Variants in EXOC6 observed in about 807,000 individuals in gnomAD.
EXOC6 encodes the protein exocyst complex component 6, also known as SEC15-like 1.
A neutral mutation model predicts 112.5 loss-of-function variants in EXOC6; 60 were observed. The ratio of observed to expected loss-of-function variants is 0.53; its 90% confidence interval spans 0.43 to 0.66. The LOEUF (loss-of-function observed/expected upper bound fraction) is 0.66. Among genes scored for constraint, EXOC6 ranks in the 30% least tolerant of loss-of-function variants. EXOC6 has a pLI of 0.00. For synonymous variants in EXOC6, 295 were observed against 308.0 expected (o/e 0.96, Z 0.44); for missense variants, 855 against 957.1 (o/e 0.89, Z 1.41).
chr10:92,979,461 G>T (rs1446838914), intron 18 of EXOC6, among the ~76,000 whole-genome samples: 1 of 152,194 alleles, frequency 6.6e-6, no homozygotes, highest in Non-Finnish European at 1.5e-5. Flanking sequence ...CAGGACATGA[G>T]AACAGTACAG....
intron 6 of EXOC6, among the ~76,000 whole-genome samples, chr10:92,910,083 A>G (rs1850655505): frequency 6.6e-6 from 1 of 152,252 alleles, no homozygotes; most frequent in African/African-American, 2.4e-5. Context: ...GAAAAGCCTC[A>G]GCAGTTAGGA....
chr10:93,034,515 G>T (rs1288060407), intron 20 of EXOC6, among the ~76,000 whole-genome samples: 1 of 152,162 alleles, frequency 6.6e-6, no homozygotes, highest in East Asian at 1.9e-4. Flanking sequence ...ACATACACTT[G>T]TATTTGACTC....
chr10:93,019,704 CAGT>C (rs1844694279), intron 20 of EXOC6, among the ~76,000 whole-genome samples: 1 of 152,188 alleles, frequency 6.6e-6, no homozygotes, highest in Non-Finnish European at 1.5e-5. Flanking sequence ...CCTATCCACA[CAGT>C]TCCCTTATAA....
chr10:92,915,317 G>A (rs905028356), intron 6 of EXOC6, among the ~76,000 whole-genome samples: 6 of 152,142 alleles, frequency 3.9e-5, no homozygotes, highest in African/African-American at 4.8e-5. Context: ...TGGGGCAGGC[G>A]GATTGCTTGA....
intron 20 of EXOC6, among the ~76,000 whole-genome samples, chr10:93,056,648 ATATAT>A (rs1031804461): frequency 2.8e-4 from 1 of 3,614 alleles, no homozygotes; most frequent in African/African-American, 5.8e-4. Context: ...AAGGGTTAAT[ATATAT>A]TATATTAACA....
At chr10:92,911,772 C>G (rs1053967381) in intron 6 of EXOC6, among the ~76,000 whole-genome samples, 1 of 152,120 alleles carries the variant, frequency 6.6e-6, no homozygotes, top group Non-Finnish European at 1.5e-5. Flanking sequence ...TTGGAAATAA[C>G]TTCCACAGAG....
intron 1 of EXOC6, among the ~76,000 whole-genome samples, chr10:92,855,884 A>C (rs913906504): frequency 2.7e-5 from 4 of 150,908 alleles, no homozygotes; most frequent in Middle Eastern, 3.2e-3. Flanking sequence ...CTTTTTTTTG[A>C]GATGAAGTCT....
At chr10:92,964,087 T>A (rs201403346) in intron 17 of EXOC6, among the ~76,000 whole-genome samples, 1 of 151,956 alleles carries the variant, frequency 6.6e-6, no homozygotes, top group East Asian at 1.9e-4. Flanking sequence ...GCTAATTTAA[T>A]GAGATGCTTA....
At chr10:93,057,379 A>G (rs1846597681) in intron 21 of EXOC6, among the ~76,000 whole-genome samples, 1 of 152,174 alleles carries the variant, frequency 6.6e-6, no homozygotes, top group Admixed American at 6.5e-5. Flanking sequence ...TATTTTGTCA[A>G]ATGTGACCAG....
chr10:93,044,492 T>A (rs1424686024), intron 20 of EXOC6, among the ~76,000 whole-genome samples: 1 of 152,188 alleles, frequency 6.6e-6, no homozygotes, highest in Non-Finnish European at 1.5e-5. Context: ...ATCCTTAGTT[T>A]CCTTATTTCC....
chr10:92,875,808 TTAAA>T (rs1025015977), intron 1 of EXOC6, among the ~76,000 whole-genome samples: 13 of 152,114 alleles, frequency 8.5e-5, no homozygotes, highest in African/African-American at 2.9e-4. Flanking sequence ...ATGATTACTA[TTAAA>T]TAGTTTTTAA....
At chr10:92,960,813 A>G (rs1853951105) in intron 17 of EXOC6, among the ~76,000 whole-genome samples, 1 of 152,126 alleles carries the variant, frequency 6.6e-6, no homozygotes, top group African/African-American at 2.4e-5. Flanking sequence ...TCTTTTACTC[A>G]GCAGGAGTTG....
intron 20 of EXOC6, among the ~76,000 whole-genome samples, chr10:93,018,851 T>A (rs538176729): frequency 4.5e-4 from 68 of 151,622 alleles, no homozygotes; most frequent in African/African-American, 1.6e-3. Context: ...ATAATAAAAA[T>A]AAAAATATTA....
intron 1 of EXOC6, among the ~76,000 whole-genome samples, chr10:92,836,623 A>G (rs569806036): frequency 5.6e-4 from 85 of 152,292 alleles, no homozygotes; most frequent in African/African-American, 1.8e-3. Context: ...CAACCCCCTA[A>G]CAAGCCTTTA....
Position 92,948,329 on chromosome 10 carries a change from T to C in EXOC6, c.1366T>C (p.Tyr456His). The stretch of plus-strand genomic sequence containing the variant: ...CATCCCTGTTGTCAATGAAGAAGAA[T>C]ATAAAATTGTCATCAGCAAATTTCC... ...SPIPVVNEEE[Y>H]KIVISKFPFQ... Residue 456 changes from tyrosine (Y) to histidine (H), a missense_variant, in exon 14 of 22, where the codon TAT becomes CAT. By Grantham distance (83) the Tyr-to-His change is moderately conservative. Transcript: ENST00000260762. 11 of 1,610,242 alleles carry C rather than the reference T, an allele frequency of 6.8e-6. No homozygotes were observed. The highest frequency in any genetic ancestry group is 9.3e-6 in the Non-Finnish European group (11 of 1,178,662).
At chr10:93,054,361 C>G (rs1846450565) in intron 20 of EXOC6, among the ~76,000 whole-genome samples, 2 of 152,126 alleles carry the variant, frequency 1.3e-5, no homozygotes, top group South Asian at 4.1e-4. Context: ...CAATTAATTC[C>G]TTAACCATTA....
rs561466349 is a variant in EXOC6 at position 92,941,185 on chromosome 10, T to C, written c.1310+361T>C. Among the ~76,000 whole-genome samples, 117 of 152,332 alleles carry C rather than the reference T, an allele frequency of 7.7e-4. 4 individuals are homozygous for C. The South Asian group carries it at 0.024, about 31-fold the overall frequency. On this transcript the variant is annotated intron_variant, in intron 13 of 21. Coordinates refer to ENST00000260762, the MANE Select transcript of EXOC6 (RefSeq NM_019053.6). ...TGTAAGTGGAATCAGATATGTTTGTTCTTTTGTGTCTGGATCATTTCACTT... is the reference window on the plus strand; with the variant it reads ...TGTAAGTGGAATCAGATATGTTTGTCCTTTTGTGTCTGGATCATTTCACTT...
chr10:93,027,484 G>A (rs1845081795), intron 20 of EXOC6, among the ~76,000 whole-genome samples: 1 of 152,216 alleles, frequency 6.6e-6, no homozygotes, highest in African/African-American at 2.4e-5. Context: ...CTAGAGAAGA[G>A]AAGGCAATAC....
intron 1 of EXOC6, 83 bp downstream of exon 1, chr10:92,848,717 G>A (rs1847168738): frequency 9.0e-7 from 1 of 1,113,860 alleles, no homozygotes; most frequent in African/African-American, 1.7e-5. Flanking sequence ...GTCCGCCGCC[G>A]GCCGCGCGCG....
Sources: gnomAD v4.1 joint callset for allele counts (sites outside exome capture counted in the v4.1 genomes callset) on GRCh38, gnomAD v4.1.1 for gene constraint, MANE v1.5 for transcripts, NCBI Gene and HGNC (gene_info 2026-07-23, HGNC 2026-07-21) for gene names.